NALF1: variants seen among roughly 807,000 people sequenced by gnomAD.
NALF1 encodes family with sequence similarity 155 member A.
A neutral mutation model predicts 48.4 loss-of-function variants in NALF1; 3 were observed. The observed-to-expected ratio is 0.06, with a 90% confidence interval of 0.03 to 0.16. The LOEUF is 0.16. Ranked by LOEUF, NALF1 falls within the 10% of genes least tolerant of loss-of-function variation. The probability of loss-of-function intolerance (pLI) is 1.00; values close to 1 mark genes in which losing one functional copy is unlikely to be tolerated. For synonymous variants in NALF1, 262 were observed against 245.7 expected (o/e 1.07, Z -0.62); for missense variants, 526 against 571.5 (o/e 0.92, Z 0.81).
chr13:107,302,099 G>A (rs909370565), intron 1 of NALF1, among the ~76,000 whole-genome samples: 2 of 152,102 alleles, frequency 1.3e-5, no homozygotes, highest in African/African-American at 2.4e-5. Context: ...ATGGATAAAT[G>A]CATTATCACG....
intron 2 of NALF1, among the ~76,000 whole-genome samples, chr13:107,209,506 A>C (rs1879714011): frequency 6.6e-6 from 1 of 152,178 alleles, no homozygotes; most frequent in African/African-American, 2.4e-5. Context: ...CTCAAAAAAA[A>C]AAAAAGAAAG....
chr13:107,612,769 TATTC>T (rs1271121253), intron 1 of NALF1, among the ~76,000 whole-genome samples: 3 of 152,102 alleles, frequency 2.0e-5, no homozygotes, highest in African/African-American at 7.2e-5. Flanking sequence ...CAGCTGGAAA[TATTC>T]ATTGACTTTC....
intron 1 of NALF1, among the ~76,000 whole-genome samples, chr13:107,767,642 C>G (rs892170815): frequency 3.3e-5 from 5 of 152,134 alleles, no homozygotes; most frequent in Admixed American, 3.3e-4. Context: ...TAAAAGTTAT[C>G]GGTACGCTGC....
At chr13:107,304,533 C>A (rs1219084928) in intron 1 of NALF1, among the ~76,000 whole-genome samples, 1 of 152,140 alleles carries the variant, frequency 6.6e-6, no homozygotes, top group Non-Finnish European at 1.5e-5. Flanking sequence ...ACTGCAGAAA[C>A]AGCTTGAGAG....
At chr13:107,186,872 G>A (rs77382082) in intron 2 of NALF1, among the ~76,000 whole-genome samples, 2 of 152,164 alleles carry the variant, frequency 1.3e-5, no homozygotes, top group African/African-American at 4.8e-5. Flanking sequence ...CTGAAATCAA[G>A]GTATGGGATT....
intron 1 of NALF1, among the ~76,000 whole-genome samples, chr13:107,751,839 G>GCA (rs1450182052): frequency 1.3e-5 from 2 of 151,872 alleles, no homozygotes; most frequent in Non-Finnish European, 2.9e-5. Context: ...ACATACATGT[G>GCA]CACACACACA....
intron 1 of NALF1, among the ~76,000 whole-genome samples, chr13:107,301,625 T>G (rs1475647109): frequency 6.6e-6 from 1 of 152,232 alleles, no homozygotes; most frequent in Non-Finnish European, 1.5e-5. Flanking sequence ...CTAATTTTAT[T>G]ACATACGTCT....
chr13:107,630,108 G>A (rs1024010163), intron 1 of NALF1, among the ~76,000 whole-genome samples: 3 of 152,126 alleles, frequency 2.0e-5, no homozygotes, highest in Non-Finnish European at 4.4e-5. Flanking sequence ...CACTAAGCTT[G>A]TGAGAGTTAT....
intron 1 of NALF1, among the ~76,000 whole-genome samples, chr13:107,286,830 T>A (rs115671053): frequency 0.015 from 2,329 of 152,290 alleles, 66 homozygotes; most frequent in African/African-American, 0.053. Flanking sequence ...TCTGTTTATA[T>A]AAAACATCTG....
At chr13:107,816,232 G>A (rs187989150) in intron 1 of NALF1, among the ~76,000 whole-genome samples, 1 of 152,234 alleles carries the variant, frequency 6.6e-6, no homozygotes, top group East Asian at 1.9e-4. Flanking sequence ...ATTCTCCATG[G>A]AACATTAGAA....
chr13:107,496,866 A>G (rs917410358), intron 1 of NALF1, among the ~76,000 whole-genome samples: 10 of 152,182 alleles, frequency 6.6e-5, no homozygotes, highest in Non-Finnish European at 1.3e-4. Flanking sequence ...CTTATTCACT[A>G]TCACGAGAAC....
intron 1 of NALF1, among the ~76,000 whole-genome samples, chr13:107,802,677 T>C (rs564080014): frequency 0.028 from 4,199 of 152,186 alleles, 213 homozygotes; most frequent in African/African-American, 0.097. Context: ...TTTTTATATA[T>C]CAGTGTGTAA....
Position 107,556,276 on chromosome 13 carries a change from T to C in NALF1, c.915+309406A>G, listed in dbSNP as rs1417673765. Among the ~76,000 whole-genome samples, 3 of 31,342 alleles carry C rather than the reference T, an allele frequency of 9.6e-5. No homozygotes were observed. In the South Asian group the frequency reaches 2.9e-3, roughly 30 times the overall value. The allele number at this position is 31,342 out of a possible 152,430, so 20.6% of individuals were successfully genotyped here. ...TCTCCTCTCTCTCTCTCTCAACATA[T>C]ATATATATATATATATATATACACA... On this transcript the variant is annotated intron_variant, in intron 1 of 2. Transcript: ENST00000375915.
intron 1 of NALF1, among the ~76,000 whole-genome samples, chr13:107,427,026 G>A (rs1051589545): frequency 5.3e-5 from 8 of 151,690 alleles, no homozygotes; most frequent in African/African-American, 1.9e-4. Context: ...ATGAAACAAT[G>A]TTAGCCAATT....
At chr13:107,250,023 A>C (rs1010795955) in intron 1 of NALF1, among the ~76,000 whole-genome samples, 1 of 151,866 alleles carries the variant, frequency 6.6e-6, no homozygotes, top group Non-Finnish European at 1.5e-5. Flanking sequence ...ATTAAAACAG[A>C]TTCTCTAGGG....
chr13:107,782,951 C>G (rs1393267834), intron 1 of NALF1, among the ~76,000 whole-genome samples: 1 of 149,666 alleles, frequency 6.7e-6, no homozygotes, highest in African/African-American at 2.5e-5. Flanking sequence ...GCCAGCCGCC[C>G]CGTCCGGGAG....
intron 1 of NALF1, among the ~76,000 whole-genome samples, chr13:107,792,780 C>T (rs879595862): frequency 5.3e-5 from 8 of 152,116 alleles, no homozygotes; most frequent in Admixed American, 2.6e-4. Context: ...CAAAATTACA[C>T]TTTTTAAGCT....
chr13:107,296,834 G>GA (rs1314532378), intron 1 of NALF1, among the ~76,000 whole-genome samples: 1 of 151,996 alleles, frequency 6.6e-6, no homozygotes, highest in Non-Finnish European at 1.5e-5. Flanking sequence ...TGGTATGATT[G>GA]AAAGTGTTTG....
At chr13:107,832,272 T>G (rs762990090) in intron 1 of NALF1, among the ~76,000 whole-genome samples, 5 of 151,722 alleles carry the variant, frequency 3.3e-5, no homozygotes, top group Non-Finnish European at 5.9e-5. Flanking sequence ...TCCATTCTAT[T>G]TAAGTAAAAA....
Sources: gnomAD v4.1 joint callset for allele counts (sites outside exome capture counted in the v4.1 genomes callset) on GRCh38, gnomAD v4.1.1 for gene constraint, MANE v1.5 for transcripts, NCBI Gene and HGNC (gene_info 2026-07-23, HGNC 2026-07-21) for gene names.